FOXJ3: variants seen among roughly 807,000 people sequenced by gnomAD.
FOXJ3 encodes the protein forkhead box J3.
A neutral mutation model predicts 76.1 loss-of-function variants in FOXJ3; 22 were observed. The observed-to-expected ratio is 0.29, with a 90% CI of 0.21 to 0.41. FOXJ3 has a LOEUF of 0.41. Ranked by LOEUF, FOXJ3 falls within the 10% of genes least tolerant of loss-of-function variation. FOXJ3 has a pLI of 1.00. For missense variants in FOXJ3, 613 were observed against 762.1 expected, an observed-to-expected ratio of 0.80 and a Z score of 2.30; for synonymous variants, 269 against 261.2, an observed-to-expected ratio of 1.03 and a Z score of -0.29.
chr1:42,222,907 C>T (rs1035235778), intron 5 of FOXJ3, among the ~76,000 whole-genome samples: 3 of 152,182 alleles, frequency 2.0e-5, no homozygotes, highest in Non-Finnish European at 4.4e-5. Context: ...CTTTGCTCTG[C>T]CTATCACCAC....
At chr1:42,214,833 A>G (rs138239767) in intron 5 of FOXJ3, among the ~76,000 whole-genome samples, 156 of 152,386 alleles carry the variant, frequency 1.0e-3, no homozygotes, top group African/African-American at 3.6e-3. Flanking sequence ...GTTGAAAGAC[A>G]TAATACATAA....
intron 4 of FOXJ3, among the ~76,000 whole-genome samples, chr1:42,264,109 G>A (rs1261406962): frequency 2.0e-5 from 3 of 151,578 alleles, no homozygotes; most frequent in African/African-American, 7.3e-5. Flanking sequence ...GCTGAAGTAT[G>A]GGGAAACAAA....
chr1:42,275,009 A>T (rs1316986150), intron 3 of FOXJ3, among the ~76,000 whole-genome samples: 2 of 152,190 alleles, frequency 1.3e-5, no homozygotes, highest in Non-Finnish European at 2.9e-5. Flanking sequence ...TATGAAAGGA[A>T]GGTACAAAAA....
rs114940026 is a variant in FOXJ3, at chr1:42,281,003, T to C, written c.45-2331A>G. On this transcript the variant is annotated intron_variant, in intron 2 of 12. Transcript: ENST00000361346. ...AAGCAGCCAGTTACATGCATTTTCATACAAAAGCATATTACAAATTGGAAT... is the reference window on the plus strand; with the variant it reads ...AAGCAGCCAGTTACATGCATTTTCACACAAAAGCATATTACAAATTGGAAT... Among the ~76,000 whole-genome samples, 454 of 152,334 alleles carry C rather than the reference T, an allele frequency of 3.0e-3. 2 individuals carry two copies. The highest frequency in any genetic ancestry group is 0.01 in the African/African-American group (429 of 41,574).
intron 1 of FOXJ3, among the ~76,000 whole-genome samples, chr1:42,317,892 T>C (rs374582839): frequency 4.6e-5 from 7 of 152,272 alleles, no homozygotes; most frequent in South Asian, 4.1e-4. Context: ...TAAATAGAAA[T>C]AGAAAACCGA....
At chr1:42,235,562 GTTTT>G (rs917660032) in intron 4 of FOXJ3, among the ~76,000 whole-genome samples, 1 of 138,192 alleles carries the variant, frequency 7.2e-6, no homozygotes, top group Non-Finnish European at 1.6e-5. Context: ...TTTTTTTTGT[GTTTT>G]TTTGTTTTTT....
chr1:42,268,103 T>C (rs1651606976), intron 3 of FOXJ3, among the ~76,000 whole-genome samples: 1 of 151,842 alleles, frequency 6.6e-6, no homozygotes. Context: ...AACCCAAATA[T>C]GCAAGAATTT....
chr1:42,274,923 G>T lies in FOXJ3; in HGVS notation c.369+3425C>A, dbSNP rs148854588. ...AGAGACAAGGTCCAAGGAGAAATAA[G>T]AAAAAAACAAAAGCAAGAAGGAAAT... On this transcript the variant is annotated intron_variant, in intron 3 of 12. Coordinates refer to ENST00000361346, the MANE Select transcript of FOXJ3 (RefSeq NM_014947.5). Among the ~76,000 whole-genome samples, 17 of 151,542 alleles carry T rather than the reference G, an allele frequency of 1.1e-4. No individual in the cohort carries two copies. The East Asian group carries it at 3.3e-3, about 29-fold the overall frequency.
At chr1:42,193,562 T>C (rs186880897) in intron 8 of FOXJ3, among the ~76,000 whole-genome samples, 91 of 152,228 alleles carry the variant, frequency 6.0e-4, no homozygotes, top group African/African-American at 2.0e-3. Context: ...AGATGAAAAA[T>C]TTAAAAGTTG....
At chr1:42,243,294 A>C (rs1282513019) in intron 4 of FOXJ3, among the ~76,000 whole-genome samples, 2 of 152,234 alleles carry the variant, frequency 1.3e-5, no homozygotes, top group Non-Finnish European at 2.9e-5. Context: ...AAAAAACTCA[A>C]ATGTTACCAC....
chr1:42,287,550 T>G (rs1570161857), intron 2 of FOXJ3, among the ~76,000 whole-genome samples: 2 of 152,336 alleles, frequency 1.3e-5, no homozygotes, highest in East Asian at 3.9e-4. Context: ...AGATCTGTTT[T>G]AAGAATCACA....
At chr1:42,230,638 T>TTGGC (rs1648006979) in intron 4 of FOXJ3, among the ~76,000 whole-genome samples, 1 of 152,240 alleles carries the variant, frequency 6.6e-6, no homozygotes, top group Non-Finnish European at 1.5e-5. Flanking sequence ...TGGCATCATG[T>TTGGC]TGGCGCTCAA....
At chr1:42,331,881 C>A (rs888038439) in intron 1 of FOXJ3, among the ~76,000 whole-genome samples, 2 of 151,462 alleles carry the variant, frequency 1.3e-5, no homozygotes, top group African/African-American at 4.8e-5. Context: ...AGTATAAAAT[C>A]ACTGGCTTTG....
At chr1:42,209,376 T>G (rs772264851) in intron 5 of FOXJ3, among the ~76,000 whole-genome samples, 1 of 152,192 alleles carries the variant, frequency 6.6e-6, no homozygotes, top group Non-Finnish European at 1.5e-5. Context: ...GTGTAGAGAT[T>G]CATGCTGTGA....
intron 6 of FOXJ3, among the ~76,000 whole-genome samples, chr1:42,199,673 A>C (rs1646721377): frequency 6.6e-6 from 1 of 152,002 alleles, no homozygotes; most frequent in South Asian, 2.1e-4. Context: ...CAGTATTTTT[A>C]ATACTGAAGA....
intron 5 of FOXJ3, among the ~76,000 whole-genome samples, chr1:42,224,374 G>T (rs1332345312): frequency 6.8e-6 from 1 of 146,464 alleles, no homozygotes; most frequent in Non-Finnish European, 1.5e-5. Context: ...AGAACAGAGA[G>T]CACACACAGG....
At chr1:42,191,912 A>C (rs1646556215) in intron 8 of FOXJ3, among the ~76,000 whole-genome samples, 193 bp from the exon 9 acceptor site, 1 of 152,194 alleles carries the variant, frequency 6.6e-6, no homozygotes, top group South Asian at 2.1e-4. Flanking sequence ...CCCCACCCTC[A>C]AGTGGAAGAG....
At chr1:42,184,070 C>T (rs1170200826) in intron 11 of FOXJ3, among the ~76,000 whole-genome samples, 1 of 152,078 alleles carries the variant, frequency 6.6e-6, no homozygotes, top group Non-Finnish European at 1.5e-5. Context: ...GTACGAGTGA[C>T]GTGGGGCGGA....
intron 4 of FOXJ3, among the ~76,000 whole-genome samples, chr1:42,234,006 G>C (rs950443986): frequency 1.3e-5 from 2 of 152,190 alleles, no homozygotes; most frequent in East Asian, 1.9e-4. Context: ...TAGCATGAAT[G>C]GTTGTTGAAT....
Sources: gnomAD v4.1 joint callset for allele counts (sites outside exome capture counted in the v4.1 genomes callset) on GRCh38, gnomAD v4.1.1 for gene constraint, MANE v1.5 for transcripts, NCBI Gene and HGNC (gene_info 2026-07-23, HGNC 2026-07-21) for gene names.